The following SLC25A42 variants were observed in gnomAD, a reference collection of about 807,000 sequenced individuals.
The protein encoded by SLC25A42 is mitochondrial coenzyme A transporter SLC25A42.
A neutral mutation model predicts 34.7 loss-of-function variants in SLC25A42; 19 were observed. The observed-to-expected ratio is 0.55, with a 90% CI of 0.38 to 0.80. SLC25A42 has a LOEUF of 0.80. Ranked by LOEUF, SLC25A42 falls within the 30% of genes least tolerant of loss-of-function variation. The pLI is 0.00. For synonymous variants in SLC25A42, 205 were observed against 191.2 expected (o/e 1.07, Z -0.59); for missense variants, 364 against 441.3 (o/e 0.82, Z 1.57).
chr19:19,078,935 G>A (rs1048068407), intron 1 of SLC25A42, among the ~76,000 whole-genome samples: 30 of 151,364 alleles, frequency 2.0e-4, no homozygotes, highest in South Asian at 2.1e-4. Flanking sequence ...CATTGTGAGC[G>A]TTTTAAAGTG....
intron 1 of SLC25A42, among the ~76,000 whole-genome samples, chr19:19,078,648 C>T (rs2059666726): frequency 6.6e-6 from 1 of 152,146 alleles, no homozygotes; most frequent in South Asian, 2.1e-4. Flanking sequence ...TAATCTAATT[C>T]CAAGTAACCT....
chr19:19,091,491 A>C (rs1379836970), intron 1 of SLC25A42, among the ~76,000 whole-genome samples: 1 of 152,078 alleles, frequency 6.6e-6, no homozygotes, highest in African/African-American at 2.4e-5. Context: ...AAATAAATAA[A>C]GGGTAGTTTG....
At chr19:19,092,895 T>C (rs963455786) in intron 1 of SLC25A42, among the ~76,000 whole-genome samples, 5 of 152,156 alleles carry the variant, frequency 3.3e-5, no homozygotes, top group Admixed American at 6.5e-5. Context: ...CATGGCTGAT[T>C]GTTGTGGGGG....
At chr19:19,087,350 C>G (rs1039765293) in intron 1 of SLC25A42, among the ~76,000 whole-genome samples, 3 of 152,106 alleles carry the variant, frequency 2.0e-5, no homozygotes, top group Non-Finnish European at 4.4e-5. Context: ...TGCAGTGGCA[C>G]GATCTCAGCT....
intron 3 of SLC25A42, among the ~76,000 whole-genome samples, chr19:19,103,231 CA>C (rs562492057): frequency 2.6e-5 from 4 of 151,856 alleles, no homozygotes; most frequent in Non-Finnish European, 4.4e-5. Context: ...GTAGCTGGGA[CA>C]ACAGGCACGC....
chr19:19,104,298 C>T (rs992032784), intron 3 of SLC25A42, among the ~76,000 whole-genome samples: 4 of 151,934 alleles, frequency 2.6e-5, no homozygotes, highest in Non-Finnish European at 5.9e-5. Context: ...AGGCAGCAGG[C>T]ATGCATGCAT....
intron 1 of SLC25A42, among the ~76,000 whole-genome samples, chr19:19,079,265 A>T (rs1316968991): frequency 6.6e-6 from 1 of 152,066 alleles, no homozygotes; most frequent in East Asian, 1.9e-4. Flanking sequence ...CATGTTGGCC[A>T]GGGTGGTCTT....
intron 1 of SLC25A42, among the ~76,000 whole-genome samples, chr19:19,067,504 G>A (rs1404287670): frequency 6.6e-6 from 1 of 152,042 alleles, no homozygotes; most frequent in Non-Finnish European, 1.5e-5. Context: ...AACTGCTTGA[G>A]CCCAGGAGTT....
chr19:19,090,955 GCTTTTCCCTTTGC>G (rs1161228650), intron 1 of SLC25A42, among the ~76,000 whole-genome samples: 1 of 152,192 alleles, frequency 6.6e-6, no homozygotes, highest in Non-Finnish European at 1.5e-5. Flanking sequence ...ATGTCACATG[GCTTTTCCCTTTGC>G]CTTCCTGAGC....
At position 19,110,945 on chromosome 19, in the gene SLC25A42, G is replaced by C. The variant is rs893260667; in HGVS notation, c.*69G>C. The C allele has an allele frequency of 1.9e-5, 29 of 1,554,830 alleles. No homozygotes were observed. Among genetic ancestry groups the C allele is most frequent in the African/African-American group, 1.4e-4 (10 of 73,090 alleles). Reference sequence around the variant, plus strand: ...TGTATTCTGGGCCCATGGAACGGTGGGGGGGTGCGCTTGATTCTACTTCAG... The same window carrying C: ...TGTATTCTGGGCCCATGGAACGGTGCGGGGGTGCGCTTGATTCTACTTCAG... On this transcript the variant is annotated 3_prime_UTR_variant, in exon 8 of 8. Coordinates refer to ENST00000318596, the MANE Select transcript of SLC25A42 (RefSeq NM_178526.5).
At chr19:19,103,606 C>T (rs897492094) in intron 3 of SLC25A42, among the ~76,000 whole-genome samples, 1 of 152,244 alleles carries the variant, frequency 6.6e-6, no homozygotes, top group Non-Finnish European at 1.5e-5. Flanking sequence ...TAGGGTTAGT[C>T]ACAGGGTCCT....
At chr19:19,099,649 G>C (rs1222970036) in intron 2 of SLC25A42, among the ~76,000 whole-genome samples, 1 of 152,144 alleles carries the variant, frequency 6.6e-6, no homozygotes, top group South Asian at 2.1e-4. Flanking sequence ...CCTGAGTAGT[G>C]CGCCACATCC....
In SLC25A42 at chr19:19,105,009, C is replaced by A. The variant is rs910830503; in HGVS notation, c.213+71C>A. On this transcript the variant is annotated intron_variant, in intron 4 of 7. Coordinates refer to ENST00000318596, the MANE Select transcript of SLC25A42 (RefSeq NM_178526.5). ...CCCTGATGGGCTGGCAGGAGTTAGG[C>A]AGGTGGTCTGAGGAGAGTCTCAGGG... is the stretch of plus-strand genomic sequence containing the variant. 29 of 1,577,704 alleles carry A rather than the reference C, an allele frequency of 1.8e-5. No individual in the cohort carries two copies. In the Admixed American group the frequency reaches 2.7e-4, roughly 15 times the overall value.
intron 1 of SLC25A42, among the ~76,000 whole-genome samples, chr19:19,073,699 C>T (rs1293127511): frequency 1.3e-5 from 2 of 151,988 alleles, no homozygotes; most frequent in Non-Finnish European, 2.9e-5. Flanking sequence ...CCCAGCCTCC[C>T]GAATAGCTGG....
chr19:19,070,315 T>TA (rs1292450625), intron 1 of SLC25A42, among the ~76,000 whole-genome samples: 1 of 140,600 alleles, frequency 7.1e-6, no homozygotes, highest in South Asian at 2.2e-4. Flanking sequence ...TTTTTTTTTT[T>TA]AGACAGAGTT....
chr19:19,099,193 GT>G (rs1433752015), intron 2 of SLC25A42, among the ~76,000 whole-genome samples: 8 of 152,180 alleles, frequency 5.3e-5, no homozygotes, highest in African/African-American at 1.9e-4. Flanking sequence ...CTGGCTGCAT[GT>G]CCCAGAAAAG....
intron 1 of SLC25A42, among the ~76,000 whole-genome samples, chr19:19,066,733 G>A (rs914036325): frequency 5.9e-5 from 9 of 152,126 alleles, no homozygotes; most frequent in Admixed American, 5.9e-4. Flanking sequence ...TTACAGGCGT[G>A]AGCCACTGCG....
At chr19:19,110,519 G>T in intron 7 of SLC25A42, 50 bp from the exon 8 acceptor site, 1 of 1,363,452 alleles carries the variant, frequency 7.3e-7, no homozygotes, top group African/African-American at 1.5e-5. Flanking sequence ...GGTGCGGGGT[G>T]CGCGCCCCCT....
At chr19:19,106,182 C>A in intron 5 of SLC25A42, 87 bp from the exon 6 acceptor site, 2 of 1,164,902 alleles carry the variant, frequency 1.7e-6, no homozygotes, top group South Asian at 1.3e-5. Flanking sequence ...CCCGCCCCAG[C>A]AGAGACGTGC....
Sources: gnomAD v4.1 joint callset for allele counts (sites outside exome capture counted in the v4.1 genomes callset) on GRCh38, gnomAD v4.1.1 for gene constraint, MANE v1.5 for transcripts, NCBI Gene and HGNC (gene_info 2026-07-23, HGNC 2026-07-21) for gene names.